Variants in DNAH6 observed in about 807,000 individuals in gnomAD.
The protein encoded by DNAH6 is dynein axonemal heavy chain 6.
Under a neutral mutation model 491.4 loss-of-function variants are expected in DNAH6, and 340 were observed. That is an observed-to-expected ratio of 0.69 (90% CI 0.63 to 0.76). The LOEUF (loss-of-function observed/expected upper bound fraction) is 0.76. Ranked by LOEUF, DNAH6 falls within the 30% of genes least tolerant of loss-of-function variation. DNAH6 has a pLI of 0.00. For missense variants in DNAH6, 4,443 were observed against 4,972.2 expected (o/e 0.89, Z 3.20); for synonymous variants, 1,603 against 1,686.1 (o/e 0.95, Z 1.21).
intron 62 of DNAH6, among the ~76,000 whole-genome samples, chr2:84,737,821 A>C (rs997175843): frequency 6.6e-6 from 1 of 151,744 alleles, no homozygotes; most frequent in Non-Finnish European, 1.5e-5. Flanking sequence ...TTGAGGTCTC[A>C]ATTTTGTTCA....
In DNAH6 at chr2:84,659,108, A is replaced by G; in HGVS notation, c.6023A>G (p.Asn2008Ser). Residue 2008 changes from asparagine to serine, a missense_variant, in exon 37 of 77, where the codon AAC becomes AGC. Physicochemically the swap from Asn to Ser is conservative, Grantham distance 46 (BLOSUM62 1). Transcript: ENST00000389394. ...TCTTTGGGTGGAAACCTAACTGAAA[A>G]CTACTATGATTCTTTTGATACATTT... ...LWSLGGNLTE[N>S]YYDSFDTFIR... 6.6e-7 allele frequency: 1 copy of G among 1,519,956 alleles called. No individual in the cohort carries two copies. The highest frequency in any genetic ancestry group is 8.9e-7 in the Non-Finnish European group (1 of 1,122,606). The allele number at this position is 1,519,956 out of a possible 1,614,324, so 94.2% of individuals were successfully genotyped here.
At chr2:84,460,124 A>C in the DNAH6 span, 1 of 152,240 alleles carries the variant, frequency 6.6e-6, no homozygotes, top group Non-Finnish European at 1.5e-5. Flanking sequence ...TCTCTGCCGA[A>C]AATCGTGCTC....
rs1683307306 is a variant in DNAH6, at chr2:84,584,120, T to A, written c.2351T>A (p.Val784Asp). 1.9e-6 allele frequency: 3 copies of A among 1,614,198 alleles called. No individual in the cohort carries two copies. Among genetic ancestry groups the A allele is most frequent in the Non-Finnish European group, 2.5e-6 (3 of 1,180,028 alleles). ...TTTGCAACTATGAAGCCATCCATTGTTGCTGTTCGGAATGCCATTGATAAA... is the reference window on the plus strand; with the variant it reads ...TTTGCAACTATGAAGCCATCCATTGATGCTGTTCGGAATGCCATTGATAAA... ...AVFATMKPSI[V>D]AVRNAIDKSV... Residue 784 changes from valine to aspartate, a missense_variant, in exon 15 of 77, where the codon GTT (valine) becomes GAT (aspartate). This residue lies in a region of DNAH6 where 2,977 missense variants were observed against 3,296.6 expected (regional missense o/e 0.90). Coordinates refer to ENST00000389394, the MANE Select transcript of DNAH6 (RefSeq NM_001370.2).
rs764795545 is a variant in DNAH6, at chr2:84,550,037, C to T, written c.1465C>T (p.Pro489Ser). 6.2e-7 allele frequency: 1 copy of T among 1,612,210 alleles called. No individual in the cohort carries two copies. Among genetic ancestry groups the T allele is most frequent in the East Asian group, 2.2e-5 (1 of 44,860 alleles). ...VIQKWITEEK[P>S]EVPDKKGTLM... ...TCAGAAATGGATTACTGAAGAGAAG[C>T]CTGAAGTCCCTGATAAAAAGGTATA... The change falls in exon 9 of 77, where the codon CCT becomes TCT. Residue 489 changes from proline (P) to serine (S), a missense_variant. Transcript: ENST00000389394.
intron 22 of DNAH6, among the ~76,000 whole-genome samples, chr2:84,616,515 C>A (rs1686868140): frequency 6.6e-6 from 1 of 151,918 alleles, no homozygotes; most frequent in Non-Finnish European, 1.5e-5. Flanking sequence ...CTACTCCTGC[C>A]CACTTTTGGT....
chr2:84,686,278 C>A (rs1346631444), intron 43 of DNAH6, among the ~76,000 whole-genome samples: 3 of 151,640 alleles, frequency 2.0e-5, no homozygotes, highest in Non-Finnish European at 4.4e-5. Flanking sequence ...GTTTTAAATT[C>A]TTTGTTAAGT....
intron 64 of DNAH6, among the ~76,000 whole-genome samples, chr2:84,764,887 T>G (rs1192382): frequency 0.11 from 16,841 of 152,016 alleles, 1,141 homozygotes; most frequent in African/African-American, 0.19. Context: ...GTCAAGAACA[T>G]TTACAGAAAC....
intron 11 of DNAH6, among the ~76,000 whole-genome samples, chr2:84,567,466 A>G (rs1220392208): frequency 6.6e-6 from 1 of 152,164 alleles, no homozygotes; most frequent in Non-Finnish European, 1.5e-5. Flanking sequence ...ATGTAGACCA[A>G]TGGCACAAAA....
intron 21 of DNAH6, among the ~76,000 whole-genome samples, chr2:84,610,415 A>G (rs891287297): frequency 2.0e-5 from 3 of 152,184 alleles, no homozygotes; most frequent in Non-Finnish European, 4.4e-5. Flanking sequence ...AGGATTACAC[A>G]GGGATGTGAA....
intron 29 of DNAH6, 82 bp downstream of exon 29, chr2:84,625,145 C>A: frequency 1.6e-6 from 2 of 1,261,524 alleles, no homozygotes; most frequent in Non-Finnish European, 2.1e-6. Context: ...CAAAATAAGG[C>A]AAGAATGGAG....
At chr2:84,570,840 C>T (rs946893088) in intron 11 of DNAH6, among the ~76,000 whole-genome samples, 1 of 152,194 alleles carries the variant, frequency 6.6e-6, no homozygotes, top group Admixed American at 6.5e-5. Context: ...TGCTGCTGCT[C>T]ACTCTTGGGT....
intron 3 of DNAH6, among the ~76,000 whole-genome samples, chr2:84,526,205 A>G (rs1676588741): frequency 6.6e-6 from 1 of 152,126 alleles, no homozygotes; most frequent in African/African-American, 2.4e-5. Context: ...TTGCCTTTAA[A>G]TGAATATCTC....
intron 75 of DNAH6, among the ~76,000 whole-genome samples, chr2:84,815,238 T>C (rs535327326): frequency 6.6e-6 from 1 of 152,374 alleles, no homozygotes; most frequent in Non-Finnish European, 1.5e-5. Context: ...TTATTCACTA[T>C]AAAATGCACT....
chr2:84,653,582 C>G lies in DNAH6; in HGVS notation c.5342C>G (p.Ser1781Cys). The change falls in exon 34 of 77, where the codon TCC (serine) becomes TGC (cysteine). Residue 1781 changes from serine to cysteine, a missense_variant. Around this residue, in one of 3 missense-constraint regions of DNAH6, gnomAD observed 2,977 missense variants for 3,296.6 expected, o/e 0.90. Coordinates refer to ENST00000389394, the MANE Select transcript of DNAH6 (RefSeq NM_001370.2). ...TTACAAAAACTTGGGATAGAAAATTCCTTTTACCAAGCAGTTAAAACATAT... is the reference window on the plus strand; with the variant it reads ...TTACAAAAACTTGGGATAGAAAATTGCTTTTACCAAGCAGTTAAAACATAT... Reference protein sequence around the residue: ...GNLQKLGIENSFYQAVKTYVL... With the variant: ...GNLQKLGIENCFYQAVKTYVL... 3 of 1,551,302 alleles carry G rather than the reference C, an allele frequency of 1.9e-6. No individual in the cohort carries two copies. The highest frequency in any genetic ancestry group is 2.6e-6 in the Non-Finnish European group (3 of 1,146,714).
chr2:84,664,784 A>G (rs1182284698), intron 37 of DNAH6, among the ~76,000 whole-genome samples: 5 of 152,222 alleles, frequency 3.3e-5, no homozygotes, highest in African/African-American at 1.2e-4. Context: ...CCCCAAATCA[A>G]CAGAATATAC....
chr2:84,638,798 C>A (rs1201722729), intron 31 of DNAH6, among the ~76,000 whole-genome samples: 1 of 152,090 alleles, frequency 6.6e-6, no homozygotes, highest in Non-Finnish European at 1.5e-5. Flanking sequence ...GTGGTGCTAG[C>A]ATCTACTCGG....
rs1260988026 is a variant in DNAH6 at position 84,517,917 on chromosome 2, A to G, written c.91A>G (p.Lys31Glu). Residue 31 changes from lysine (K) to glutamate (E), a missense_variant, in exon 2 of 77, where the codon AAA becomes GAA. By Grantham distance (56) the Lys-to-Glu change is moderately conservative. Around this residue, in one of 3 missense-constraint regions of DNAH6, gnomAD observed 2,977 missense variants for 3,296.6 expected, o/e 0.90. Transcript: ENST00000389394. Reference protein sequence around the residue: ...NSALSRLNNIKAKQRVSYVTS... With the variant: ...NSALSRLNNIEAKQRVSYVTS... The stretch of plus-strand genomic sequence containing the variant: ...TGCACTTTCAAGACTGAATAATATA[A>G]AAGCCAAACAAAGAGTGAGTTATGT... 1.3e-6 allele frequency: 2 copies of G among 1,551,704 alleles called. No individual in the cohort carries two copies. Among genetic ancestry groups the G allele is most frequent in the African/African-American group, 2.7e-5 (2 of 73,042 alleles).
rs1033283294 is a variant in DNAH6 at position 84,745,029 on chromosome 2, C to G, written c.10343-51C>G. 3 of 1,225,860 alleles carry G rather than the reference C, an allele frequency of 2.4e-6. No individual in the cohort carries two copies. In the African/African-American group the frequency reaches 4.6e-5, roughly 19 times the overall value. The allele number at this position is 1,225,860 out of a possible 1,614,324, so 75.9% of individuals were successfully genotyped here. On this transcript the variant is annotated intron_variant, in intron 62 of 76. Coordinates refer to ENST00000389394, the MANE Select transcript of DNAH6 (RefSeq NM_001370.2). Reference sequence around the variant, plus strand: ...TAAATTACCAAACATTATTTAATTTCAAAGCCAAAACAAATCTAATTAAAT... The same window carrying G: ...TAAATTACCAAACATTATTTAATTTGAAAGCCAAAACAAATCTAATTAAAT...
At chr2:84,710,028 C>T (rs1344346812) in intron 55 of DNAH6, among the ~76,000 whole-genome samples, 1 of 152,174 alleles carries the variant, frequency 6.6e-6, no homozygotes, top group African/African-American at 2.4e-5. Context: ...GCAAGGGAGA[C>T]CAACATGAAT....
Sources: allele counts gnomAD v4.1 joint callset (sites outside exome capture counted in the v4.1 genomes callset), GRCh38; gene constraint gnomAD v4.1.1; regional missense constraint gnomAD v4.1.1; transcripts MANE v1.5; gene names NCBI Gene and HGNC (gene_info 2026-07-23, HGNC 2026-07-21).